MOB1A: variants seen among roughly 807,000 people sequenced by gnomAD.
The protein encoded by MOB1A is MOB1 Mps One Binder homolog A.
In MOB1A, 10 loss-of-function variants were observed where a neutral mutation model predicts 25.1. The observed-to-expected ratio is 0.40, with a 90% confidence interval of 0.25 to 0.68. The LOEUF is 0.68. Ranked by LOEUF, MOB1A falls within the 30% of genes least tolerant of loss-of-function variation. MOB1A has a pLI of 0.40. For synonymous variants in MOB1A, 81 were observed against 79.5 expected (o/e 1.02, Z -0.10); for missense variants, 177 against 256.3 (o/e 0.69, Z 2.11).
At chr2:74,156,710 TGGA>T in intron 5 of MOB1A, 65 bp from the exon 6 acceptor site, 4 of 1,180,228 alleles carry the variant, frequency 3.4e-6, no homozygotes, top group Non-Finnish European at 4.8e-6. Flanking sequence ...AAATGTCTTT[TGGA>T]GAAGGGATTC....
rs753875950 is a variant in MOB1A, at chr2:74,166,964, T to G, written c.275+50A>C. On this transcript the variant is annotated intron_variant, in intron 3 of 5. Transcript: ENST00000396049. ...TAACTGTTTAATTTCTATCAATTGG[T>G]GATAAAGTAAAACTAATCCAAACAC... 37 of 1,271,318 alleles carry G rather than the reference T, an allele frequency of 2.9e-5. No homozygotes were observed. In the Admixed American group the frequency reaches 4.7e-4, roughly 16 times the overall value. The allele number at this position is 1,271,318 out of a possible 1,614,324, so 78.8% of individuals were successfully genotyped here.
chr2:74,160,265 T>A (rs1013142341), intron 4 of MOB1A, among the ~76,000 whole-genome samples: 1 of 152,164 alleles, frequency 6.6e-6, no homozygotes, highest in Non-Finnish European at 1.5e-5. Context: ...ACAGATTGCC[T>A]GAGCTCATAA....
chr2:74,156,469 G>GT lies in MOB1A; in HGVS notation c.*98dup. Reference sequence around the variant, plus strand: ...CAGGCAATGGGTATCTTTTTATCCTGTTTTCTTAAAGTTTGTATCACTAGT... The same window carrying GT: ...CAGGCAATGGGTATCTTTTTATCCTGTTTTTCTTAAAGTTTGTATCACTAGT... On this transcript the variant is annotated 3_prime_UTR_variant, in exon 6 of 6. Coordinates refer to ENST00000396049, the MANE Select transcript of MOB1A (RefSeq NM_018221.5). 1 of 915,648 alleles carries GT rather than the reference G, an allele frequency of 1.1e-6. No homozygotes were observed. The highest frequency in any genetic ancestry group is 1.7e-6 in the Non-Finnish European group (1 of 580,706). 56.7% of individuals were successfully genotyped at this position (915,648 alleles called of 1,614,324 possible).
Position 74,175,164 on chromosome 2 carries a change from T to C in MOB1A, c.15-2412A>G, listed in dbSNP as rs553858237. Among the ~76,000 whole-genome samples, 242 of 152,332 alleles carry C rather than the reference T, an allele frequency of 1.6e-3. 1 individual carries two copies. The highest frequency in any genetic ancestry group is 5.6e-3 in the African/African-American group (232 of 41,576). Reference sequence around the variant, plus strand: ...CGTGAACACTACTGTGAACTGTGCATGCAAGGGATCTAAATTGCATGTGCC... The same window carrying C: ...CGTGAACACTACTGTGAACTGTGCACGCAAGGGATCTAAATTGCATGTGCC... On this transcript the variant is annotated intron_variant, in intron 1 of 5. Coordinates refer to ENST00000396049, the MANE Select transcript of MOB1A (RefSeq NM_018221.5).
chr2:74,163,746 A>C lies in MOB1A; in HGVS notation c.409+1472T>G, dbSNP rs1693044664. On this transcript the variant is annotated intron_variant, in intron 4 of 5. Transcript: ENST00000396049. Reference sequence around the variant, plus strand: ...AAAGACATAAAATCCCTAGAATAAAATTAAGAAACTTGAACAACTGACATA... The same window carrying C: ...AAAGACATAAAATCCCTAGAATAAACTTAAGAAACTTGAACAACTGACATA... Among the ~76,000 whole-genome samples, 6 of 152,224 alleles carry C rather than the reference A, an allele frequency of 3.9e-5. No homozygotes were observed. In the South Asian group the frequency reaches 1.2e-3, roughly 32 times the overall value.
Position 74,160,857 on chromosome 2 carries a change from G to A in MOB1A, c.410-1603C>T, listed in dbSNP as rs61106897. On this transcript the variant is annotated intron_variant, in intron 4 of 5. Coordinates refer to ENST00000396049, the MANE Select transcript of MOB1A (RefSeq NM_018221.5). ...ACAGGGACAGACAGGTCAGGAGTTC[G>A]AGACCAGCCTGACCAACATGGTGAA... 6.4e-3 allele frequency among the ~76,000 whole-genome samples: 972 copies of A among 152,126 alleles called. 66 individuals are homozygous for A. In the East Asian group the frequency reaches 0.14, roughly 21 times the overall value.
intron 4 of MOB1A, among the ~76,000 whole-genome samples, chr2:74,161,631 AGAGT>A (rs1692975230): frequency 6.9e-6 from 1 of 144,244 alleles, no homozygotes; most frequent in Admixed American, 7.1e-5. Flanking sequence ...CCTGGGCAAC[AGAGT>A]GAGACTCCGC....
chr2:74,168,653 A>G (rs1403770090), intron 2 of MOB1A, among the ~76,000 whole-genome samples: 1 of 152,180 alleles, frequency 6.6e-6, no homozygotes, highest in Non-Finnish European at 1.5e-5. Flanking sequence ...ATAAATAAAA[A>G]GTTTTAGTCT....
At chr2:74,169,967 T>G (rs560052973) in intron 2 of MOB1A, among the ~76,000 whole-genome samples, 1 of 151,824 alleles carries the variant, frequency 6.6e-6, no homozygotes, top group Non-Finnish European at 1.5e-5. Flanking sequence ...ATGGTACATA[T>G]TTATGGGAAT....
rs916159401 is a variant in MOB1A at position 74,152,666 on chromosome 2, A to G, written c.*3902T>C. 9 of 152,240 alleles carry G rather than the reference A, an allele frequency of 5.9e-5. No homozygotes were observed. The highest frequency in any genetic ancestry group is 2.6e-4 in the Admixed American group (4 of 15,278). 9.4% of individuals were successfully genotyped at this position (152,240 alleles called of 1,614,324 possible). ...TACAAAATACTTTTTTTAGAAGTAC[A>G]GTTAACTGACTTAGAAAAATAGATA... is the stretch of plus-strand genomic sequence containing the variant. On this transcript the variant is annotated 3_prime_UTR_variant, in exon 6 of 6. Coordinates refer to ENST00000396049, the MANE Select transcript of MOB1A (RefSeq NM_018221.5).
intron 5 of MOB1A, among the ~76,000 whole-genome samples, chr2:74,158,036 C>A (rs564575285): frequency 1.1e-4 from 16 of 151,816 alleles, no homozygotes; most frequent in African/African-American, 3.9e-4. Context: ...AAAAATTAGC[C>A]GGGCGTGGTG....
rs749820417 is a variant in MOB1A, at chr2:74,172,707, A to G, written c.60T>C (p.Pro20=). 7 of 1,613,902 alleles carry G rather than the reference A, an allele frequency of 4.3e-6. No individual in the cohort carries two copies. The highest frequency in any genetic ancestry group is 5.9e-6 in the Non-Finnish European group (7 of 1,179,876). ...SKTFKPKKNI[P]EGSHQYELLK... ...AGAGTTCATACTGATGAGATCCTTCAGGGATATTCTTCTTTGGTTTGAATG... is the reference window on the plus strand; with the variant it reads ...AGAGTTCATACTGATGAGATCCTTCGGGGATATTCTTCTTTGGTTTGAATG... Residue 20 remains proline (P), a synonymous_variant, in exon 2 of 6, where the codon CCT becomes CCC. Transcript: ENST00000396049.
intron 4 of MOB1A, among the ~76,000 whole-genome samples, chr2:74,159,589 G>T (rs557446016): frequency 3.3e-5 from 5 of 152,066 alleles, no homozygotes; most frequent in Non-Finnish European, 5.9e-5. Flanking sequence ...ACAGCAGAAA[G>T]TTTACACACT....
intron 4 of MOB1A, chr2:74,163,909 T>C (rs747865258): frequency 1.3e-5 from 2 of 152,190 alleles, no homozygotes; most frequent in Non-Finnish European, 2.9e-5. Context: ...AATCTAATTT[T>C]TTTTTCACCT....
chr2:74,168,362 A>G (rs1351366771), intron 2 of MOB1A, among the ~76,000 whole-genome samples: 1 of 152,236 alleles, frequency 6.6e-6, no homozygotes. Context: ...TAAGCCTTGG[A>G]AAGTTTCAAA....
At chr2:74,173,398 T>TG (rs1693354764) in intron 1 of MOB1A, among the ~76,000 whole-genome samples, 1 of 133,718 alleles carries the variant, frequency 7.5e-6, no homozygotes, top group Non-Finnish European at 1.6e-5. Flanking sequence ...TTTTTTTTTT[T>TG]GAGATGTAGT....
chr2:74,161,793 A>C (rs1342885429), intron 4 of MOB1A, among the ~76,000 whole-genome samples: 2 of 152,004 alleles, frequency 1.3e-5, no homozygotes, highest in African/African-American at 4.8e-5. Context: ...TCGTGTCTAC[A>C]AAAAATTGAA....
intron 4 of MOB1A, chr2:74,164,751 G>A (rs1044551664): frequency 1.3e-5 from 2 of 150,708 alleles, no homozygotes; most frequent in African/African-American, 2.5e-5. Context: ...CACAGAAATA[G>A]ATGAAAGATA....
At chr2:74,171,207 G>T (rs548420269) in intron 2 of MOB1A, among the ~76,000 whole-genome samples, 3 of 151,562 alleles carry the variant, frequency 2.0e-5, no homozygotes, top group Admixed American at 6.6e-5. Flanking sequence ...GCTTAAACCC[G>T]GGAGGTGGAG....
Sources: gnomAD v4.1 joint callset for allele counts (sites outside exome capture counted in the v4.1 genomes callset) on GRCh38, gnomAD v4.1.1 for gene constraint, MANE v1.5 for transcripts, NCBI Gene and HGNC (gene_info 2026-07-23, HGNC 2026-07-21) for gene names.